The following PFKP variants were observed in gnomAD, a reference collection of about 807,000 sequenced individuals.
The protein encoded by PFKP is phosphofructokinase, platelet.
In PFKP, 101 loss-of-function variants were observed where a neutral mutation model predicts 94.3. That is an observed-to-expected ratio of 1.07 (90% CI 0.91 to 1.26). The LOEUF (loss-of-function observed/expected upper bound fraction) is 1.26, where lower values mean the gene tolerates loss of function less well. Ranked by LOEUF, PFKP falls within the 50% of genes most tolerant of loss-of-function variation. PFKP has a pLI of 0.00. For missense variants in PFKP, 1,145 were observed against 1,103.3 expected (o/e 1.04, Z -0.53); for synonymous variants, 573 against 432.6 (o/e 1.32, Z -4.03).
chr10:3,121,355 T>C (rs944151163), intron 16 of PFKP, among the ~76,000 whole-genome samples: 2 of 152,224 alleles, frequency 1.3e-5, no homozygotes, highest in Non-Finnish European at 2.9e-5. Flanking sequence ...TGAGCCTCTT[T>C]CACAGACTGG....
At chr10:3,133,906 G>A (rs1484962038) in intron 19 of PFKP, among the ~76,000 whole-genome samples, 1 of 152,164 alleles carries the variant, frequency 6.6e-6, no homozygotes, top group Non-Finnish European at 1.5e-5. Context: ...AAAAACTGGA[G>A]CTTCCCTAAG....
chr10:3,103,038 G>A (rs1020887881), intron 4 of PFKP, among the ~76,000 whole-genome samples: 6 of 152,226 alleles, frequency 3.9e-5, no homozygotes, highest in Admixed American at 2.6e-4. Context: ...CTGAGTGCGA[G>A]GCAGATGCTC....
intron 1 of PFKP, among the ~76,000 whole-genome samples, chr10:3,080,481 C>A (rs1399795118): frequency 2.2e-5 from 3 of 136,750 alleles, no homozygotes; most frequent in Non-Finnish European, 3.0e-5. Context: ...TGCACCACTG[C>A]ACTCCAGCCT....
At chr10:3,124,704 A>C (rs1355126779) in intron 16 of PFKP, among the ~76,000 whole-genome samples, 1 of 152,146 alleles carries the variant, frequency 6.6e-6, no homozygotes, top group Non-Finnish European at 1.5e-5. Context: ...TGCCTGCAGA[A>C]AGCTACAGGA....
At chr10:3,101,861 TCAGCCGTGGGGCGAGCCGGGTCCCCAG>T (rs1453955783) in intron 4 of PFKP, among the ~76,000 whole-genome samples, 1 of 152,186 alleles carries the variant, frequency 6.6e-6, no homozygotes, top group Non-Finnish European at 1.5e-5. Context: ...AAACGGCCAC[TCAGCCGTGGGGCGAGCCGGGTCCCCAG>T]CAGCCTGGGA....
In PFKP at chr10:3,135,844, T is replaced by G. The variant is rs1182975178; in HGVS notation, c.2225+6T>G. On this transcript the variant is annotated splice_donor_region_variant and intron_variant, in intron 21 of 21. Transcript: ENST00000381125. The stretch of plus-strand genomic sequence containing the variant: ...AAGAAGCAAACGGATTTTGAGTAAG[T>G]TGGCTGGGTTCCCTGAGGCAATAAG... 3.8e-6 allele frequency: 6 copies of G among 1,585,722 alleles called. No homozygotes were observed. The South Asian group carries it at 5.5e-5, about 15-fold the overall frequency.
intron 2 of PFKP, among the ~76,000 whole-genome samples, chr10:3,086,932 C>G (rs1165170695): frequency 6.6e-6 from 1 of 152,146 alleles, no homozygotes; most frequent in African/African-American, 2.4e-5. Flanking sequence ...TGGTATGGAA[C>G]ACACTGGGAG....
chr10:3,115,522 A>C lies in PFKP; in HGVS notation c.1372-1254A>C, dbSNP rs1021704836. On this transcript the variant is annotated intron_variant, in intron 13 of 21. Transcript: ENST00000381125. ...GGTGAAGGTGTGTGTCCCACAGCTG[A>C]GGATAGGATTGGGGATGCCAGGGTG... 4.0e-5 allele frequency among the ~76,000 whole-genome samples: 6 copies of C among 149,974 alleles called. 1 individual carries two copies. The highest frequency in any genetic ancestry group is 8.9e-5 in the Non-Finnish European group (6 of 67,548).
intron 18 of PFKP, 38 bp downstream of exon 18, chr10:3,132,479 C>A (rs373652724): frequency 1.4e-6 from 2 of 1,389,772 alleles, no homozygotes; most frequent in Non-Finnish European, 2.0e-6. Flanking sequence ...TTACCCTCAC[C>A]GCCACACCCT....
chr10:3,113,572 G>A lies in PFKP; in HGVS notation c.1371+54G>A, dbSNP rs577867038. 31 of 1,545,444 alleles carry A rather than the reference G, an allele frequency of 2.0e-5. No individual in the cohort carries two copies. In the African/African-American group the frequency reaches 3.4e-4, roughly 17 times the overall value. The stretch of plus-strand genomic sequence containing the variant: ...CAGACACCCTGGCTGTGAGCACAGT[G>A]GACGTGGCGGCGGGGGGGTGCCCTC... On this transcript the variant is annotated intron_variant, in intron 13 of 21. Transcript: ENST00000381125.
intron 1 of PFKP, among the ~76,000 whole-genome samples, chr10:3,081,205 G>A (rs1310510187): frequency 6.6e-6 from 1 of 152,100 alleles, no homozygotes; most frequent in Non-Finnish European, 1.5e-5. Context: ...ATTCAGAATT[G>A]TCAACTTTCA....
chr10:3,101,672 C>T, intron 4 of PFKP, 118 bp downstream of exon 4: 2 of 688,110 alleles, frequency 2.9e-6, no homozygotes, highest in Non-Finnish European at 4.7e-6. Flanking sequence ...TCTTACAGGT[C>T]ACCATCTCAG....
At chr10:3,119,116 A>G (rs1258362279) in intron 15 of PFKP, among the ~76,000 whole-genome samples, 4 of 135,350 alleles carry the variant, frequency 3.0e-5, no homozygotes, top group Admixed American at 1.6e-4. Flanking sequence ...GGCCTCATCT[A>G]TTCAGTGAGC....
At chr10:3,109,240 C>CG (rs1371708521) in intron 9 of PFKP, 115 bp from the exon 10 acceptor site, 2 of 1,355,296 alleles carry the variant, frequency 1.5e-6, no homozygotes, top group Non-Finnish European at 2.1e-6. Context: ...GGGCTGGAAG[C>CG]GGGAGGGGCT....
chr10:3,129,427 T>C, intron 16 of PFKP: 1 of 183,654 alleles, frequency 5.4e-6, no homozygotes, highest in Non-Finnish European at 1.1e-5. Flanking sequence ...CCCTAACATC[T>C]CAGCTAACAC....
At chr10:3,080,086 CAAGG>C (rs1832932213) in intron 1 of PFKP, among the ~76,000 whole-genome samples, 1 of 144,634 alleles carries the variant, frequency 6.9e-6, no homozygotes, top group East Asian at 2.2e-4. Flanking sequence ...GGACTGCTAC[CAAGG>C]TTCAGGAACA....
chr10:3,110,954 A>G (rs1205596611), intron 10 of PFKP, among the ~76,000 whole-genome samples: 1 of 150,244 alleles, frequency 6.7e-6, no homozygotes, highest in African/African-American at 2.5e-5. Context: ...GTGTGTGTGC[A>G]TGTTAGTGTG....
rs144788473 is a variant in PFKP at position 3,130,117 on chromosome 10, G to A, written c.1848+134G>A. On this transcript the variant is annotated intron_variant, in intron 17 of 21. Transcript: ENST00000381125. ...AGATGCTACAGAACATGCCACGCTT[G>A]ATACACTTCGCATCGCCCAGGTGCC... is the stretch of plus-strand genomic sequence containing the variant. 3.6e-4 allele frequency: 275 copies of A among 772,616 alleles called. 2 individuals are homozygous for A. The African/African-American group carries it at 4.5e-3, about 13-fold the overall frequency. 47.9% of individuals were successfully genotyped at this position (772,616 alleles called of 1,614,324 possible). A position where few individuals can be genotyped will look rare whatever the true frequency, so the allele number is the denominator to read the frequency against.
At chr10:3,091,733 C>T (rs1050162905) in intron 2 of PFKP, among the ~76,000 whole-genome samples, 1 of 152,116 alleles carries the variant, frequency 6.6e-6, no homozygotes, top group Non-Finnish European at 1.5e-5. Context: ...TTGCAGTGAA[C>T]CTAGATTGCG....
Sources: gnomAD v4.1 joint callset for allele counts (sites outside exome capture counted in the v4.1 genomes callset) on GRCh38, gnomAD v4.1.1 for gene constraint, MANE v1.5 for transcripts, NCBI Gene and HGNC (gene_info 2026-07-23, HGNC 2026-07-21) for gene names.